DCC: variants seen among roughly 807,000 people sequenced by gnomAD.
DCC encodes netrin receptor DCC.
A neutral mutation model predicts 172.5 loss-of-function variants in DCC; 58 were observed. That is an observed-to-expected ratio of 0.34 (90% CI 0.27 to 0.42). The LOEUF (loss-of-function observed/expected upper bound fraction) is 0.42, where lower values mean the gene tolerates loss of function less well. Among genes scored for constraint, DCC ranks in the 10% least tolerant of loss-of-function variants. The pLI is 1.00. For synonymous variants in DCC, 709 were observed against 644.5 expected, an observed-to-expected ratio of 1.10 and a Z score of -1.52; for missense variants, 1,740 against 1,791.0, an observed-to-expected ratio of 0.97 and a Z score of 0.51.
At chr18:52,776,105 A>G (rs961550264) in intron 2 of DCC, among the ~76,000 whole-genome samples, 1 of 152,200 alleles carries the variant, frequency 6.6e-6, no homozygotes, top group Non-Finnish European at 1.5e-5. Context: ...TAAATTTACA[A>G]CAGTATCACC....
intron 5 of DCC, among the ~76,000 whole-genome samples, chr18:53,044,212 G>A (rs1247223771): frequency 6.6e-6 from 1 of 151,814 alleles, no homozygotes; most frequent in African/African-American, 2.4e-5. Flanking sequence ...GTGCCATTTT[G>A]CCTTCCATGT....
At chr18:52,395,126 A>G (rs747272643) in intron 1 of DCC, among the ~76,000 whole-genome samples, 1 of 152,090 alleles carries the variant, frequency 6.6e-6, no homozygotes, top group Admixed American at 6.5e-5. Context: ...TTTTCTGTTC[A>G]GTGAAGTTGC....
intron 12 of DCC, among the ~76,000 whole-genome samples, chr18:53,255,475 T>C (rs2056495346): frequency 1.3e-5 from 2 of 150,750 alleles, no homozygotes; most frequent in Non-Finnish European, 3.0e-5. Context: ...GTTTGGTTTT[T>C]TGTCTTGCGA....
At chr18:52,741,591 C>T (rs1016701402) in intron 1 of DCC, among the ~76,000 whole-genome samples, 1 of 152,180 alleles carries the variant, frequency 6.6e-6, no homozygotes, top group Non-Finnish European at 1.5e-5. Context: ...TTGACAACTA[C>T]TACTTTAAAA....
chr18:53,383,996 C>G (rs1333669565), intron 15 of DCC, among the ~76,000 whole-genome samples: 1 of 151,962 alleles, frequency 6.6e-6, no homozygotes, highest in Non-Finnish European at 1.5e-5. Context: ...TATGATTGTA[C>G]CATATCTATA....
chr18:53,228,575 T>C (rs769879235), intron 12 of DCC, among the ~76,000 whole-genome samples: 4 of 152,086 alleles, frequency 2.6e-5, no homozygotes, highest in South Asian at 4.1e-4. Flanking sequence ...TGCTCTTCCA[T>C]GGGGAATTAA....
intron 3 of DCC, among the ~76,000 whole-genome samples, chr18:52,920,344 A>G (rs2040103812): frequency 2.0e-5 from 3 of 152,142 alleles, no homozygotes; most frequent in Non-Finnish European, 2.9e-5. Context: ...AACACACAAC[A>G]AATTATTAAA....
chr18:52,395,158 TAAC>T lies in DCC; in HGVS notation c.91+54282_91+54284del, dbSNP rs745565677. ...TTGCTAACCTGAGCTTTCAGAGGAC[TAAC>T]ACCACAATTAAAGGCAAGCAGATTC... On this transcript the variant is annotated intron_variant, in intron 1 of 28. Coordinates refer to ENST00000442544, the MANE Select transcript of DCC (RefSeq NM_005215.4). Among the ~76,000 whole-genome samples the T allele has an allele frequency of 2.0e-5, 3 of 152,194 alleles. No homozygotes were observed. In the South Asian group the frequency reaches 6.2e-4, roughly 32 times the overall value.
rs149507808 is a variant in DCC at position 53,157,433 on chromosome 18, C to T, written c.1339C>T (p.Leu447Phe). 1.6e-5 allele frequency: 26 copies of T among 1,614,050 alleles called. No homozygotes were observed. In the African/African-American group the frequency reaches 3.5e-4, roughly 22 times the overall value. ...PVLVSSRFVRLSWRPPAEAKG... is the reference protein window; with the variant it reads ...PVLVSSRFVRFSWRPPAEAKG... ...CTTGGTTTCCAGCCGATTTGTCCGT[C>T]TCAGCTGGCGCCCACCTGCAGAAGC... The change falls in exon 8 of 29, where the codon CTC becomes TTC. Residue 447 changes from leucine (L) to phenylalanine (F), a missense_variant. Physicochemically the swap from Leu to Phe is conservative, Grantham distance 22 (BLOSUM62 0). Coordinates refer to ENST00000442544, the MANE Select transcript of DCC (RefSeq NM_005215.4).
chr18:53,100,384 G>C (rs1332239076), intron 7 of DCC, among the ~76,000 whole-genome samples: 2 of 152,080 alleles, frequency 1.3e-5, no homozygotes, highest in Non-Finnish European at 2.9e-5. Context: ...TCTAATTAAA[G>C]AAGAATTTTT....
chr18:53,274,001 G>A (rs1249783734), intron 12 of DCC, among the ~76,000 whole-genome samples: 2 of 152,078 alleles, frequency 1.3e-5, no homozygotes, highest in African/African-American at 4.8e-5. Flanking sequence ...GTGTGGAAAA[G>A]AGAAGCATCA....
chr18:53,477,810 G>A (rs1025776861), intron 25 of DCC, among the ~76,000 whole-genome samples: 8 of 152,134 alleles, frequency 5.3e-5, no homozygotes, highest in Admixed American at 1.3e-4. Flanking sequence ...ATTCTTCACA[G>A]TAAAATTAGC....
chr18:53,212,949 G>T (rs1489608240), intron 11 of DCC, among the ~76,000 whole-genome samples: 1 of 152,126 alleles, frequency 6.6e-6, no homozygotes, highest in East Asian at 1.9e-4. Context: ...TGGGATTACA[G>T]GTGTGAGCCA....
chr18:53,147,405 C>T (rs542515755), intron 7 of DCC, among the ~76,000 whole-genome samples: 2 of 152,284 alleles, frequency 1.3e-5, no homozygotes, highest in African/African-American at 2.4e-5. Context: ...ATTATGCCCC[C>T]TTTTGTTTTG....
chr18:52,783,804 T>A (rs1265669221), intron 2 of DCC, among the ~76,000 whole-genome samples: 2 of 151,962 alleles, frequency 1.3e-5, no homozygotes, highest in African/African-American at 4.8e-5. Flanking sequence ...CAATACATAC[T>A]TCATAAATTG....
chr18:53,443,845 A>C (rs1381795875), intron 22 of DCC, among the ~76,000 whole-genome samples: 2 of 152,188 alleles, frequency 1.3e-5, no homozygotes, highest in Non-Finnish European at 2.9e-5. Context: ...TCAGTGGAGG[A>C]AGTAAGTGTG....
intron 1 of DCC, among the ~76,000 whole-genome samples, chr18:52,610,114 G>C (rs1385687460): frequency 1.7e-5 from 2 of 120,458 alleles, no homozygotes; most frequent in Non-Finnish European, 3.3e-5. Context: ...AGGAGTTCTA[G>C]ACCAACCTGG....
chr18:53,519,393 T>A (rs1209653424), intron 27 of DCC, among the ~76,000 whole-genome samples: 1 of 151,986 alleles, frequency 6.6e-6, no homozygotes, highest in Non-Finnish European at 1.5e-5. Flanking sequence ...GACTTCAGAG[T>A]GGGAAACGTT....
At chr18:52,855,859 G>A (rs1410851081) in intron 2 of DCC, among the ~76,000 whole-genome samples, 2 of 146,120 alleles carry the variant, frequency 1.4e-5, no homozygotes, top group Non-Finnish European at 3.0e-5. Flanking sequence ...TCTGCTTCCT[G>A]GGTTCATGCA....
Sources: gnomAD v4.1 joint callset for allele counts (sites outside exome capture counted in the v4.1 genomes callset) on GRCh38, gnomAD v4.1.1 for gene constraint, MANE v1.5 for transcripts, NCBI Gene and HGNC (gene_info 2026-07-23, HGNC 2026-07-21) for gene names.